The following TTC13 variants were observed in gnomAD, a reference collection of about 807,000 sequenced individuals.
TTC13 encodes tetratricopeptide repeat protein 13.
A neutral mutation model predicts 120.0 loss-of-function variants in TTC13; 62 were observed. That is an observed-to-expected ratio of 0.52 (90% CI 0.42 to 0.64). The LOEUF (loss-of-function observed/expected upper bound fraction) is 0.64. Ranked by LOEUF, TTC13 falls within the 30% of genes least tolerant of loss-of-function variation. TTC13 has a pLI of 0.00. For missense variants in TTC13, 824 were observed against 1,050.2 expected (o/e 0.78, Z 2.98); for synonymous variants, 384 against 393.5 (o/e 0.98, Z 0.28).
At chr1:230,909,847 G>GC (rs1232143207) in intron 20 of TTC13, among the ~76,000 whole-genome samples, 1 of 152,156 alleles carries the variant, frequency 6.6e-6, no homozygotes, top group East Asian at 1.9e-4. Flanking sequence ...GGCAAGGTCT[G>GC]CTGCCCTGTC....
At chr1:230,948,799 A>T (rs1343568229) in intron 4 of TTC13, among the ~76,000 whole-genome samples, 1 of 151,970 alleles carries the variant, frequency 6.6e-6, no homozygotes, top group African/African-American at 2.4e-5. Flanking sequence ...TTCACTTCAT[A>T]CCCTAGAAAT....
intron 1 of TTC13, among the ~76,000 whole-genome samples, chr1:230,976,756 C>T (rs551121405): frequency 4.6e-5 from 7 of 152,290 alleles, no homozygotes; most frequent in African/African-American, 1.7e-4. Context: ...AGTGTTCATC[C>T]TCCAGGGAAA....
chr1:230,969,861 C>A (rs1283592252), intron 1 of TTC13, among the ~76,000 whole-genome samples: 1 of 152,222 alleles, frequency 6.6e-6, no homozygotes, highest in Non-Finnish European at 1.5e-5. Context: ...TTAGTATAGG[C>A]TTATAGGCTA....
intron 22 of TTC13, 46 bp from the exon 23 acceptor site, chr1:230,907,065 T>C (rs1253711975): frequency 1.0e-6 from 1 of 998,742 alleles, no homozygotes; most frequent in South Asian, 1.9e-5. Flanking sequence ...TTAACAAAAT[T>C]TGCAAAAAAA....
intron 4 of TTC13, among the ~76,000 whole-genome samples, chr1:230,949,477 G>A (rs1156342138): frequency 2.1e-5 from 3 of 143,886 alleles, no homozygotes; most frequent in Non-Finnish European, 1.5e-5. Flanking sequence ...CCTAAAGGTA[G>A]CCATCATCAT....
intron 4 of TTC13, among the ~76,000 whole-genome samples, chr1:230,951,674 A>C (rs1345822167): frequency 6.6e-6 from 1 of 152,216 alleles, no homozygotes; most frequent in African/African-American, 2.4e-5. Flanking sequence ...TGGATATGAA[A>C]AAGTATTATT....
chr1:230,966,854 C>A (rs887419070), intron 1 of TTC13, among the ~76,000 whole-genome samples: 7 of 152,144 alleles, frequency 4.6e-5, no homozygotes, highest in African/African-American at 1.4e-4. Flanking sequence ...TACCCTCTAG[C>A]AAAGCAGTGG....
intron 1 of TTC13, among the ~76,000 whole-genome samples, chr1:230,975,731 C>T (rs11122172): frequency 6.6e-6 from 1 of 151,816 alleles, no homozygotes; most frequent in Non-Finnish European, 1.5e-5. Flanking sequence ...ATATTAAGGG[C>T]GGATCAGGAA....
At chr1:230,918,106 G>GT (rs1672218409) in intron 17 of TTC13, among the ~76,000 whole-genome samples, 5 of 152,184 alleles carry the variant, frequency 3.3e-5, no homozygotes, top group Admixed American at 3.3e-4. Context: ...TGAAGAACAT[G>GT]TTTATCATTT....
chr1:230,961,579 A>C (rs1423734212), intron 1 of TTC13, among the ~76,000 whole-genome samples: 1 of 152,094 alleles, frequency 6.6e-6, no homozygotes, highest in African/African-American at 2.4e-5. Context: ...AAAACAAAAA[A>C]TAGAAGTAGC....
In TTC13 at chr1:230,978,678, C is replaced by T; in HGVS notation, c.153G>A (p.Pro51=). The change falls in exon 1 of 23, where the codon CCG becomes CCA. Residue 51 remains proline (P), a synonymous_variant. Transcript: ENST00000366661. This position sits in a 1 kb window ranked among gnomAD's most constrained non-coding sequence, Gnocchi z 5.6. ...GCAGCTCCTGCTTGAGCAGGGAGAG[C>T]GGCGAGTAGTGCTCGGTGGCCAGGG... ...PGALATEHYS[P]LSLLKQELQH... 6.7e-7 allele frequency: 1 copy of T among 1,487,028 alleles called. No homozygotes were observed. The highest frequency in any genetic ancestry group is 8.9e-7 in the Non-Finnish European group (1 of 1,126,630). 92.1% of individuals were successfully genotyped at this position (1,487,028 alleles called of 1,614,324 possible).
At chr1:230,964,047 T>C (rs1203920999) in intron 1 of TTC13, among the ~76,000 whole-genome samples, 2 of 152,216 alleles carry the variant, frequency 1.3e-5, no homozygotes, top group Non-Finnish European at 2.9e-5. Flanking sequence ...GAACTTACTA[T>C]ATGCCAGGCA....
In TTC13 at chr1:230,925,649, T is replaced by G; in HGVS notation, c.1458-2A>C. The G allele has an allele frequency of 6.2e-7, 1 of 1,613,896 alleles. No individual in the cohort carries two copies. Among genetic ancestry groups the G allele is most frequent in the Non-Finnish European group, 8.5e-7 (1 of 1,179,830 alleles). On this transcript the variant is annotated splice_acceptor_variant, in intron 12 of 22. Transcript: ENST00000366661. LOFTEE classifies it high-confidence loss of function. ...TCAAAATTCTGATGTAACACATCTC[T>G]GGAAGAAACATCATGTACATGATAA...
chr1:230,937,240 G>T (rs1281948806), intron 8 of TTC13, among the ~76,000 whole-genome samples: 1 of 152,126 alleles, frequency 6.6e-6, no homozygotes, highest in Non-Finnish European at 1.5e-5. Context: ...ATACCCCAAA[G>T]AGCCCCATCC....
intron 11 of TTC13, 149 bp from the exon 12 acceptor site, chr1:230,929,242 A>G (rs1673321521): frequency 1.3e-6 from 1 of 766,420 alleles, no homozygotes; most frequent in Non-Finnish European, 2.0e-6. Flanking sequence ...CACTATTAGT[A>G]TATGATAGAG....
chr1:230,977,415 C>G (rs954356304), intron 1 of TTC13, among the ~76,000 whole-genome samples: 2 of 152,134 alleles, frequency 1.3e-5, no homozygotes, highest in African/African-American at 4.8e-5. Context: ...TAAGTAAATG[C>G]CATTCTTTCT....
rs141050553 is a variant in TTC13, at chr1:230,972,935, G to C, written c.271+5625C>G. On this transcript the variant is annotated intron_variant, in intron 1 of 22. Transcript: ENST00000366661. ...CCCTCTGGCAATGCCACAGGGGCCA[G>C]GATGTGGCAAGATCACAATCTCTTC... Among the ~76,000 whole-genome samples, 17 of 152,302 alleles carry C rather than the reference G, an allele frequency of 1.1e-4. No homozygotes were observed. In the East Asian group the frequency reaches 3.3e-3, roughly 29 times the overall value.
At chr1:230,954,710 T>C (rs532616811) in intron 3 of TTC13, among the ~76,000 whole-genome samples, 1 of 152,332 alleles carries the variant, frequency 6.6e-6, no homozygotes, top group African/African-American at 2.4e-5. Context: ...CTTTGTGATG[T>C]CTCCTAGCTA....
At chr1:230,931,184 C>G (rs111731586) in intron 11 of TTC13, 114 bp downstream of exon 11, 13 of 1,079,738 alleles carry the variant, frequency 1.2e-5, no homozygotes, top group Non-Finnish European at 9.3e-6. Flanking sequence ...GTGGATGAGT[C>G]ACCTGGCCTC....
Sources: allele counts gnomAD v4.1 joint callset (sites outside exome capture counted in the v4.1 genomes callset), GRCh38; gene constraint gnomAD v4.1.1; non-coding constraint Gnocchi (gnomAD v3.1); transcripts MANE v1.5; gene names NCBI Gene and HGNC (gene_info 2026-07-23, HGNC 2026-07-21).